The following LAMA3 variants were observed in gnomAD, a reference collection of about 807,000 sequenced individuals.
The protein encoded by LAMA3 is laminin subunit alpha-3.
LAMA3 carries 281 observed loss-of-function variants against 402.0 expected under a neutral mutation model. The observed-to-expected ratio is 0.70, with a 90% CI of 0.63 to 0.77. The LOEUF (loss-of-function observed/expected upper bound fraction) is 0.77. Among genes scored for constraint, LAMA3 ranks in the 30% least tolerant of loss-of-function variants. The pLI is 0.00. For missense variants in LAMA3, 3,840 were observed against 4,215.5 expected, an observed-to-expected ratio of 0.91 and a Z score of 2.47; for synonymous variants, 1,431 against 1,558.4, an observed-to-expected ratio of 0.92 and a Z score of 1.93.
chr18:23,887,609 A>G (rs2080481416), intron 41 of LAMA3, among the ~76,000 whole-genome samples: 1 of 152,254 alleles, frequency 6.6e-6, no homozygotes, highest in African/African-American at 2.4e-5. Context: ...TTTGTTAGAC[A>G]CAGCACCCAG....
chr18:23,833,865 G>T lies in LAMA3; in HGVS notation c.2861G>T (p.Gly954Val). The T allele has an allele frequency of 6.2e-7, 1 of 1,613,880 alleles. No homozygotes were observed. The highest frequency in any genetic ancestry group is 1.7e-4 in the Middle Eastern group (1 of 5,792). The change falls in exon 24 of 75, where the codon GGC (glycine) becomes GTC (valine). Residue 954 changes from glycine to valine, a missense_variant. Around this residue, in one of 3 missense-constraint regions of LAMA3, gnomAD observed 2,109 missense variants for 2,376.0 expected, o/e 0.89. Coordinates refer to ENST00000313654, the MANE Select transcript of LAMA3 (RefSeq NM_198129.4). ...CTGCGGCTGCGCATCCCACAGGTTG[G>T]CCACTACGTGGTTGTGGTCGAGTAT... ...LHLRLRIPQV[G>V]HYVVVVEYST...
intron 1 of LAMA3, among the ~76,000 whole-genome samples, chr18:23,698,010 C>T (rs1394399218): frequency 6.6e-6 from 1 of 151,720 alleles, no homozygotes; most frequent in East Asian, 1.9e-4. Context: ...GGATTCCAGG[C>T]GTATTGGATT....
rs58873998 is a variant in LAMA3, at chr18:23,695,796, C to CAAAAAAAAAAAAAAAAAAAAA, written c.294+5839_294+5859dup. ...TGGGTGACACAGCAAGACTCCATCT[C>CAAAAAAAAAAAAAAAAAAAAA]AAAAAAAAAAAAAAAAAAAAAAAAA... On this transcript the variant is annotated intron_variant, in intron 1 of 74. Coordinates refer to ENST00000313654, the MANE Select transcript of LAMA3 (RefSeq NM_198129.4). Among the ~76,000 whole-genome samples the CAAAAAAAAAAAAAAAAAAAAA allele has an allele frequency of 5.2e-5, 2 of 38,640 alleles. 1 individual carries two copies. Among genetic ancestry groups the CAAAAAAAAAAAAAAAAAAAAA allele is most frequent in the South Asian group, 3.7e-3 (2 of 544 alleles). 25.3% of individuals were successfully genotyped at this position (38,640 alleles called of 152,430 possible).
Position 23,847,482 on chromosome 18 carries a change from G to A in LAMA3, c.3950G>A (p.Arg1317His), listed in dbSNP as rs761970800. Residue 1317 changes from arginine to histidine, a missense_variant, in exon 32 of 75, where the codon CGC becomes CAC. Around this residue, in one of 3 missense-constraint regions of LAMA3, gnomAD observed 2,109 missense variants for 2,376.0 expected, o/e 0.89. Transcript: ENST00000313654. Reference sequence around the variant, plus strand: ...TGGCCAGCGTGCAGCTGTGGTCGGCGCCTTTGTGAAGAGATGACGGGGCAG... The same window carrying A: ...TGGCCAGCGTGCAGCTGTGGTCGGCACCTTTGTGAAGAGATGACGGGGCAG... ...PRCKPCSCGR[R>H]LCEEMTGQCR... The A allele has an allele frequency of 2.3e-5, 37 of 1,612,786 alleles. No individual in the cohort carries two copies. The highest frequency in any genetic ancestry group is 4.5e-5 in the East Asian group (2 of 44,894).
At chr18:23,709,811 A>T in intron 1 of LAMA3, 1 of 652,904 alleles carries the variant, frequency 1.5e-6, no homozygotes, top group Admixed American at 1.8e-5. Context: ...TTAGCCAGCC[A>T]GACTCAGTTT....
chr18:23,940,939 CTT>C (rs370811901), intron 68 of LAMA3, among the ~76,000 whole-genome samples: 15 of 133,228 alleles, frequency 1.1e-4, no homozygotes, highest in African/African-American at 2.3e-4. Flanking sequence ...TCTTTCTTTT[CTT>C]TTTTTTTTTT....
chr18:23,932,020 C>T (rs2082175140), intron 65 of LAMA3, 140 bp from the exon 66 acceptor site: 2 of 1,031,840 alleles, frequency 1.9e-6, no homozygotes, highest in Admixed American at 1.9e-5. Context: ...TTGTAATGCT[C>T]TTTAAAAATA....
chr18:23,778,714 G>T (rs940683751), intron 11 of LAMA3, among the ~76,000 whole-genome samples: 47 of 152,172 alleles, frequency 3.1e-4, no homozygotes, highest in Non-Finnish European at 1.9e-4. Context: ...ACCCCAGGGC[G>T]CCAGCAGAGG....
intron 1 of LAMA3, among the ~76,000 whole-genome samples, chr18:23,711,772 T>A (rs1271399275): frequency 6.6e-6 from 1 of 152,206 alleles, no homozygotes; most frequent in African/African-American, 2.4e-5. Context: ...GCCCAGTGCA[T>A]AATAGGTGCT....
intron 12 of LAMA3, among the ~76,000 whole-genome samples, chr18:23,787,412 G>A (rs2062567067): frequency 1.3e-5 from 2 of 152,056 alleles, no homozygotes; most frequent in Admixed American, 1.3e-4. Flanking sequence ...AAATAATGGT[G>A]GAAAACTTAC....
rs541483225 is a variant in LAMA3, at chr18:23,811,931, C to T, written c.1742-1126C>T. On this transcript the variant is annotated intron_variant, in intron 13 of 74. Transcript: ENST00000313654. Reference sequence around the variant, plus strand: ...CTCTGTCCCCCAGGCTGGAGTGCAGCGGCATGATCTCAGCTCACTGCGAGC... The same window carrying T: ...CTCTGTCCCCCAGGCTGGAGTGCAGTGGCATGATCTCAGCTCACTGCGAGC... Among the ~76,000 whole-genome samples, 13 of 151,816 alleles carry T rather than the reference C, an allele frequency of 8.6e-5. No homozygotes were observed. The South Asian group carries it at 2.3e-3, about 27-fold the overall frequency.
In LAMA3 at chr18:23,838,892, T is replaced by C; in HGVS notation, c.3191+14T>C. On this transcript the variant is annotated intron_variant, in intron 26 of 74. Coordinates refer to ENST00000313654, the MANE Select transcript of LAMA3 (RefSeq NM_198129.4). ...TGTCAATCAAAGGTAATGTGTTTCC[T>C]TCCTGTCTCCCCGTTCATGTTCTGA... 1 of 1,476,094 alleles carries C rather than the reference T, an allele frequency of 6.8e-7. No individual in the cohort carries two copies. The highest frequency in any genetic ancestry group is 9.5e-7 in the Non-Finnish European group (1 of 1,054,168). The allele number at this position is 1,476,094 out of a possible 1,614,324, so 91.4% of individuals were successfully genotyped here.
chr18:23,905,271 C>T (rs987769894), intron 51 of LAMA3, among the ~76,000 whole-genome samples: 51 of 152,098 alleles, frequency 3.4e-4, no homozygotes, highest in Middle Eastern at 3.2e-3. Flanking sequence ...TGACAGTGAG[C>T]AGCTAAAACA....
At chr18:23,906,246 C>T (rs1599058080) in intron 52 of LAMA3, among the ~76,000 whole-genome samples, 1 of 152,104 alleles carries the variant, frequency 6.6e-6, no homozygotes, top group East Asian at 1.9e-4. Flanking sequence ...ATTTAACCCA[C>T]CTGTGATCAT....
At chr18:23,709,097 G>A (rs1568099718) in intron 1 of LAMA3, among the ~76,000 whole-genome samples, 1 of 148,552 alleles carries the variant, frequency 6.7e-6, no homozygotes, top group Non-Finnish European at 1.5e-5. Flanking sequence ...TTGAGACAGG[G>A]TCTTGCTCTG....
intron 33 of LAMA3, 21 bp from the exon 34 acceptor site, chr18:23,858,664 CTTAT>C: frequency 6.2e-7 from 1 of 1,613,924 alleles, no homozygotes; most frequent in African/African-American, 1.3e-5. Flanking sequence ...CACGTGATCT[CTTAT>C]TTCATGTTTT....
chr18:23,842,290 A>G, intron 27 of LAMA3, 105 bp from the exon 28 acceptor site: 1 of 1,389,992 alleles, frequency 7.2e-7, no homozygotes, highest in Non-Finnish European at 1.0e-6. Context: ...GTAAATACTT[A>G]GGTTGTTTTG....
intron 68 of LAMA3, among the ~76,000 whole-genome samples, chr18:23,943,174 A>G (rs1438088119): frequency 6.6e-6 from 1 of 152,242 alleles, no homozygotes; most frequent in Non-Finnish European, 1.5e-5. Flanking sequence ...CTTCTCAGTG[A>G]AATAAGCCAG....
Position 23,847,789 on chromosome 18 carries a change from G to A in LAMA3, c.4136+121G>A, listed in dbSNP as rs542161286. 3.2e-5 allele frequency: 31 copies of A among 974,700 alleles called. 1 individual carries two copies. Among genetic ancestry groups the A allele is most frequent in the South Asian group, 2.4e-4 (17 of 69,436 alleles). 60.4% of individuals were successfully genotyped at this position (974,700 alleles called of 1,614,324 possible). A position where few individuals can be genotyped will look rare whatever the true frequency, so the allele number is the denominator to read the frequency against. On this transcript the variant is annotated intron_variant, in intron 32 of 74. Transcript: ENST00000313654. Reference sequence around the variant, plus strand: ...TCCAGGGGTGCCCTGTGTTGACCTCGGCATGAGCTTCCCAGACAGGATGGG... The same window carrying A: ...TCCAGGGGTGCCCTGTGTTGACCTCAGCATGAGCTTCCCAGACAGGATGGG...
Sources: gnomAD v4.1 joint callset for allele counts (sites outside exome capture counted in the v4.1 genomes callset) on GRCh38, gnomAD v4.1.1 for gene constraint, gnomAD v4.1.1 regional missense constraint, MANE v1.5 for transcripts, NCBI Gene and HGNC (gene_info 2026-07-23, HGNC 2026-07-21) for gene names.